RBFOX1: variants seen among roughly 807,000 people sequenced by gnomAD.
RBFOX1 encodes the protein RNA binding fox-1 homolog 1.
RBFOX1 carries 8 observed loss-of-function variants against 57.7 expected under a neutral mutation model. That is an observed-to-expected ratio of 0.14 (90% CI 0.08 to 0.25). RBFOX1 has a LOEUF of 0.25. Ranked by LOEUF, RBFOX1 falls within the 10% of genes least tolerant of loss-of-function variation. The probability of loss-of-function intolerance (pLI) is 1.00; values close to 1 mark genes in which losing one functional copy is unlikely to be tolerated. For synonymous variants in RBFOX1, 326 were observed against 222.4 expected, an observed-to-expected ratio of 1.47 and a Z score of -4.15; for missense variants, 611 against 548.5, an observed-to-expected ratio of 1.11 and a Z score of -1.14.
intron 4 of RBFOX1, among the ~76,000 whole-genome samples, chr16:7,267,551 A>G (rs1430333829): frequency 1.3e-5 from 2 of 151,492 alleles, no homozygotes; most frequent in Non-Finnish European, 2.9e-5. Context: ...AAAATTTAAA[A>G]AAATAATAAA....
At chr16:6,312,641 G>A (rs887413584) in intron 1 of RBFOX1, among the ~76,000 whole-genome samples, 1 of 151,230 alleles carries the variant, frequency 6.6e-6, no homozygotes, top group African/African-American at 2.4e-5. Flanking sequence ...TGACTAAGCC[G>A]ATAGTTCCTT....
chr16:5,327,421 C>CT (rs1469722184), intron 1 of RBFOX1, among the ~76,000 whole-genome samples: 1 of 152,210 alleles, frequency 6.6e-6, no homozygotes, highest in Non-Finnish European at 1.5e-5. Context: ...AGGATGCATG[C>CT]TTTCAGTCCC....
chr16:5,493,863 G>A (rs186335613), intron 2 of RBFOX1, among the ~76,000 whole-genome samples: 35 of 152,198 alleles, frequency 2.3e-4, no homozygotes, highest in African/African-American at 7.5e-4. Context: ...TTTCTGCAAC[G>A]GTAGCCAAAA....
intron 1 of RBFOX1, among the ~76,000 whole-genome samples, chr16:5,449,871 G>T (rs544171756): frequency 6.6e-6 from 1 of 152,208 alleles, no homozygotes; most frequent in South Asian, 2.1e-4. Context: ...GCCTCCCAAA[G>T]GTCTTGGATT....
intron 1 of RBFOX1, among the ~76,000 whole-genome samples, chr16:6,052,560 G>A (rs1027527344): frequency 1.3e-5 from 2 of 151,876 alleles, no homozygotes; most frequent in Non-Finnish European, 2.9e-5. Flanking sequence ...CGAGGCGGGC[G>A]GATCACGAGG....
At chr16:5,689,073 A>G (rs1473164241) in intron 3 of RBFOX1, among the ~76,000 whole-genome samples, 2 of 152,332 alleles carry the variant, frequency 1.3e-5, no homozygotes, top group East Asian at 1.9e-4. Flanking sequence ...CTTTGAACCA[A>G]TAAGCCAAGG....
chr16:6,819,434 C>T (rs770461409), intron 3 of RBFOX1, among the ~76,000 whole-genome samples: 4 of 152,042 alleles, frequency 2.6e-5, no homozygotes, highest in Admixed American at 1.3e-4. Context: ...AAAGGTAGGC[C>T]GGGCATGGTG....
intron 2 of RBFOX1, among the ~76,000 whole-genome samples, chr16:5,487,975 G>A (rs765727632): frequency 6.6e-6 from 1 of 152,074 alleles, no homozygotes; most frequent in African/African-American, 2.4e-5. Context: ...TTATGGTGAA[G>A]ACGATGATGT....
At chr16:6,631,247 G>GT (rs2098381256) in intron 2 of RBFOX1, among the ~76,000 whole-genome samples, 1 of 152,032 alleles carries the variant, frequency 6.6e-6, no homozygotes. Context: ...ATAAGGACAA[G>GT]TAAAGGGATG....
chr16:7,500,601 C>G (rs1023514562), intron 4 of RBFOX1, among the ~76,000 whole-genome samples: 2 of 152,118 alleles, frequency 1.3e-5, no homozygotes, highest in African/African-American at 4.8e-5. Context: ...TTGGAAATAC[C>G]TCTAGGGTTC....
intron 2 of RBFOX1, among the ~76,000 whole-genome samples, chr16:5,533,145 A>G (rs1346229682): frequency 6.6e-6 from 1 of 152,210 alleles, no homozygotes; most frequent in African/African-American, 2.4e-5. Flanking sequence ...TGGGAGAAGG[A>G]ATCAAAGAAG....
At chr16:6,217,332 G>A (rs182556097) in intron 1 of RBFOX1, among the ~76,000 whole-genome samples, 1 of 151,708 alleles carries the variant, frequency 6.6e-6, no homozygotes, top group Non-Finnish European at 1.5e-5. Flanking sequence ...TGTGTTTTCT[G>A]TATTTTAACT....
At chr16:6,246,370 C>A (rs1366735284) in intron 1 of RBFOX1, among the ~76,000 whole-genome samples, 1 of 152,180 alleles carries the variant, frequency 6.6e-6, no homozygotes, top group Non-Finnish European at 1.5e-5. Flanking sequence ...GCAATTCCAA[C>A]ATTTTATCTT....
intron 11 of RBFOX1, among the ~76,000 whole-genome samples, chr16:7,650,073 A>G (rs1355637189): frequency 2.0e-5 from 3 of 149,474 alleles, no homozygotes; most frequent in Non-Finnish European, 4.4e-5. Context: ...GGAAGGAAGA[A>G]AAAGGGAGGG....
chr16:5,761,691 A>T lies in RBFOX1; in HGVS notation c.319-105612A>T, dbSNP rs140005113. On this transcript the variant is annotated intron_variant, in intron 3 of 19. Transcript: ENST00000641259. ...TCTCACCGGGTCCTTTCCAGCACACATAGGAATTATGGGAGCTATAATTCA... is the reference window on the plus strand; with the variant it reads ...TCTCACCGGGTCCTTTCCAGCACACTTAGGAATTATGGGAGCTATAATTCA... Among the ~76,000 whole-genome samples, 662 of 152,316 alleles carry T rather than the reference A, an allele frequency of 4.3e-3. 6 individuals carry two copies. Among genetic ancestry groups the T allele is most frequent in the African/African-American group, 0.015 (624 of 41,572 alleles).
At chr16:6,154,899 C>T (rs139281968) in intron 1 of RBFOX1, among the ~76,000 whole-genome samples, 39 of 152,102 alleles carry the variant, frequency 2.6e-4, no homozygotes, top group African/African-American at 9.2e-4. Context: ...TGTGTGTTTC[C>T]ATATTTGAAA....
At chr16:5,794,795 CA>C (rs1385806099) in intron 3 of RBFOX1, among the ~76,000 whole-genome samples, 48 of 152,220 alleles carry the variant, frequency 3.2e-4, no homozygotes, top group African/African-American at 1.1e-3. Context: ...ACTGCTAAAC[CA>C]ATATTAAATC....
intron 2 of RBFOX1, among the ~76,000 whole-genome samples, chr16:6,598,807 A>G (rs2097807277): frequency 6.6e-6 from 1 of 151,946 alleles, no homozygotes; most frequent in Non-Finnish European, 1.5e-5. Context: ...TTAGCTGGGC[A>G]TGGTGGCATG....
At chr16:6,122,106 G>A (rs776971664) in intron 1 of RBFOX1, among the ~76,000 whole-genome samples, 5 of 152,062 alleles carry the variant, frequency 3.3e-5, no homozygotes, top group East Asian at 1.9e-4. Flanking sequence ...GGGTTTCACC[G>A]TGTTGGCAAG....
Sources: allele counts gnomAD v4.1 joint callset (sites outside exome capture counted in the v4.1 genomes callset), GRCh38; gene constraint gnomAD v4.1.1; transcripts MANE v1.5; gene names NCBI Gene and HGNC (gene_info 2026-07-23, HGNC 2026-07-21).